Variants in KRT80 observed in about 807,000 individuals in gnomAD.
KRT80 encodes the protein keratin, type II cytoskeletal 80.
KRT80 carries 36 observed loss-of-function variants against 51.5 expected under a neutral mutation model. The observed-to-expected ratio is 0.70, with a 90% CI of 0.54 to 0.92. The LOEUF (loss-of-function observed/expected upper bound fraction) is 0.92. KRT80 is among the 40% of genes least tolerant of loss of function. KRT80 has a pLI of 0.00. For missense variants in KRT80, 566 were observed against 591.7 expected (o/e 0.96, Z 0.45); for synonymous variants, 235 against 248.3 (o/e 0.95, Z 0.50).
chr12:52,187,979 G>A (rs957325144), intron 1 of KRT80, among the ~76,000 whole-genome samples: 4 of 152,048 alleles, frequency 2.6e-5, no homozygotes, highest in African/African-American at 7.2e-5. Flanking sequence ...CATGGTGTGC[G>A]TTTGGCCGGC....
chr12:52,190,126 A>G (rs1009583989), intron 1 of KRT80, among the ~76,000 whole-genome samples: 1 of 152,190 alleles, frequency 6.6e-6, no homozygotes, highest in Non-Finnish European at 1.5e-5. Context: ...GCTCTGCCTC[A>G]GTGGACTGTG....
rs767920544 is a variant in KRT80 at position 52,180,941 on chromosome 12, G to T, written c.532C>A (p.Arg178Ser). The T allele has an allele frequency of 1.3e-6, 2 of 1,537,692 alleles. No homozygotes were observed. The highest frequency in any genetic ancestry group is 2.1e-5 in the Admixed American group (1 of 47,218). ...ACAAAGGTGAACTCCATGTCTGTGC[G>T]CTTGGAGATCTCATCCTCATACCTG... ...RIRYEDEISKRTDMEFTFVQL... is the reference protein window; with the variant it reads ...RIRYEDEISKSTDMEFTFVQL... The change falls in exon 3 of 9, where the codon CGC (arginine) becomes AGC (serine). Residue 178 changes from arginine to serine, a missense_variant. Coordinates refer to ENST00000394815, the MANE Select transcript of KRT80 (RefSeq NM_182507.3).
chr12:52,185,709 C>T lies in KRT80; in HGVS notation c.301-122G>A, dbSNP rs936975042. 4 of 1,524,652 alleles carry T rather than the reference C, an allele frequency of 2.6e-6. No homozygotes were observed. In the African/African-American group the frequency reaches 5.5e-5, roughly 21 times the overall value. The allele number at this position is 1,524,652 out of a possible 1,614,324, so 94.4% of individuals were successfully genotyped here. ...GAAGTGGCAGCTCATTTATGCACAC[C>T]ACCCAGGGCGCTCACTCAGCAGAAA... On this transcript the variant is annotated intron_variant, in intron 1 of 8. Transcript: ENST00000394815.
intron 2 of KRT80, among the ~76,000 whole-genome samples, chr12:52,182,788 C>A (rs1423917204): frequency 6.6e-6 from 1 of 152,166 alleles, no homozygotes; most frequent in Non-Finnish European, 1.5e-5. Flanking sequence ...CCAGGTCTGC[C>A]TTGACCCTGG....
intron 8 of KRT80, 65 bp from the exon 9 acceptor site, chr12:52,171,587 G>C: frequency 6.2e-7 from 1 of 1,612,002 alleles, no homozygotes; most frequent in Non-Finnish European, 8.5e-7. Context: ...TTAAAATGAT[G>C]CCTTTAGGAT....
chr12:52,186,160 G>A (rs1355754226), intron 1 of KRT80, among the ~76,000 whole-genome samples: 2 of 152,044 alleles, frequency 1.3e-5, no homozygotes, highest in African/African-American at 4.8e-5. Context: ...GCCGAGCTCA[G>A]CCTGGGGCTC....
chr12:52,184,297 C>A (rs2120928034), intron 2 of KRT80, among the ~76,000 whole-genome samples: 1 of 152,246 alleles, frequency 6.6e-6, no homozygotes, highest in Middle Eastern at 3.4e-3. Context: ...GGAGACCAGA[C>A]CCAAGGAGGT....
At chr12:52,183,353 C>T (rs1405053353) in intron 2 of KRT80, among the ~76,000 whole-genome samples, 1 of 152,246 alleles carries the variant, frequency 6.6e-6, no homozygotes, top group East Asian at 1.9e-4. Flanking sequence ...TCCCCACCCC[C>T]GCAACTTGTT....
At position 52,185,449 on chromosome 12, in the gene KRT80, T is replaced by A; in HGVS notation, c.439A>T (p.Ser147Cys). Residue 147 changes from serine to cysteine, a missense_variant, in exon 2 of 9, where the codon AGC (serine) becomes TGC (cysteine). Physicochemically the swap from Ser to Cys is moderately radical, Grantham distance 112 (BLOSUM62 -1). Transcript: ENST00000394815. ...GCCTCCAGCTGCCCCCGCTCCTGGC[T>A]CACTTTGCGCAGTTCCTCCTGCAGC... ...GRLQEELRKV[S>C]QERGQLEANL... 1 of 1,614,056 alleles carries A rather than the reference T, an allele frequency of 6.2e-7. No individual in the cohort carries two copies.
chr12:52,190,264 A>G (rs913126827), intron 1 of KRT80, among the ~76,000 whole-genome samples: 2 of 152,116 alleles, frequency 1.3e-5, no homozygotes, highest in Admixed American at 1.3e-4. Context: ...GTCTCAACAG[A>G]CCTGAGTTCA....
intron 4 of KRT80, among the ~76,000 whole-genome samples, chr12:52,175,510 G>A (rs556160612): frequency 2.0e-5 from 3 of 152,030 alleles, no homozygotes; most frequent in Non-Finnish European, 4.4e-5. Flanking sequence ...TGTCTCAGGC[G>A]GAGGCTGGAC....
At chr12:52,177,902 A>C (rs1363071279) in intron 4 of KRT80, among the ~76,000 whole-genome samples, 1 of 152,110 alleles carries the variant, frequency 6.6e-6, no homozygotes, top group African/African-American at 2.4e-5. Flanking sequence ...CGAAATAATT[A>C]TATTTTTGAT....
rs1941049135 is a variant in KRT80, at chr12:52,169,519, C to T, written c.*1879G>A. 6.6e-6 allele frequency: 1 copy of T among 152,642 alleles called. No homozygotes were observed. Among genetic ancestry groups the T allele is most frequent in the South Asian group, 2.1e-4 (1 of 4,828 alleles). 9.5% of individuals were successfully genotyped at this position (152,642 alleles called of 1,614,324 possible). On this transcript the variant is annotated 3_prime_UTR_variant, in exon 9 of 9. Transcript: ENST00000394815. ...GAGAGGGGAGATAAAAACAGACACA[C>T]AGCTTTCTCCATAGACAAATCTCAA...
chr12:52,176,922 T>C (rs982575780), intron 4 of KRT80, among the ~76,000 whole-genome samples: 1 of 152,366 alleles, frequency 6.6e-6, no homozygotes, highest in South Asian at 2.1e-4. Flanking sequence ...TCAGTTACTG[T>C]TCTAAGTATT....
rs1027716504 is a variant in KRT80, at chr12:52,177,857, T to C, written c.666+2656A>G. On this transcript the variant is annotated intron_variant, in intron 4 of 8. Transcript: ENST00000394815. ...GAGGCAGGTGTGGCTGGCACAGTCT[T>C]TACTCAGAGCTGCTCTGTCCAATGA... Among the ~76,000 whole-genome samples the C allele has an allele frequency of 2.0e-4, 31 of 152,244 alleles. 1 individual carries two copies. Among genetic ancestry groups the C allele is most frequent in the African/African-American group, 7.2e-4 (30 of 41,526 alleles).
intron 1 of KRT80, 103 bp from the exon 2 acceptor site, chr12:52,185,690 G>A (rs1217156460): frequency 6.5e-7 from 1 of 1,537,372 alleles, no homozygotes; most frequent in East Asian, 2.4e-5. Flanking sequence ...CTGGGAAGTG[G>A]CAGCTCATTT....
chr12:52,185,637 G>A, intron 1 of KRT80, 50 bp from the exon 2 acceptor site: 4 of 1,580,622 alleles, frequency 2.5e-6, no homozygotes, highest in East Asian at 2.3e-5. Context: ...CCAGTCGGGG[G>A]CTGAGGCCCC....
At position 52,173,647 on chromosome 12, in the gene KRT80, C is replaced by T. The variant is rs530945833; in HGVS notation, c.784G>A (p.Val262Ile). The T allele has an allele frequency of 4.0e-5, 65 of 1,613,118 alleles. No individual in the cohort carries two copies. Among genetic ancestry groups the T allele is most frequent in the Non-Finnish European group, 4.7e-5 (55 of 1,180,034 alleles). ...VEEVKAQYDA[V>I]AARSLEEAEA... ...GCCTCCTCCAGGCTGCGAGCCGCGA[C>T]GGCGTCATACTGGGCCTTCACCTCC... Residue 262 changes from valine to isoleucine, a missense_variant, in exon 5 of 9, where the codon GTC becomes ATC. Val to Ile is a conservative substitution (Grantham distance 29). Coordinates refer to ENST00000394815, the MANE Select transcript of KRT80 (RefSeq NM_182507.3).
At chr12:52,174,646 G>A (rs1249532354) in intron 4 of KRT80, among the ~76,000 whole-genome samples, 1 of 152,228 alleles carries the variant, frequency 6.6e-6, no homozygotes, top group African/African-American at 2.4e-5. Context: ...GGAAACTGAG[G>A]CATAAAGATG....
Sources: gnomAD v4.1 joint callset for allele counts (sites outside exome capture counted in the v4.1 genomes callset) on GRCh38, gnomAD v4.1.1 for gene constraint, MANE v1.5 for transcripts, NCBI Gene and HGNC (gene_info 2026-07-23, HGNC 2026-07-21) for gene names.